The following SYNCRIP variants were observed in gnomAD, a reference collection of about 807,000 sequenced individuals.
The protein encoded by SYNCRIP is heterogeneous nuclear ribonucleoprotein Q.
In SYNCRIP, 9 loss-of-function variants were observed where a neutral mutation model predicts 68.9. That is an observed-to-expected ratio of 0.13 (90% confidence interval 0.08 to 0.23). SYNCRIP has a LOEUF of 0.23. SYNCRIP is among the 10% of genes least tolerant of loss of function. SYNCRIP has a pLI of 1.00. For missense variants in SYNCRIP, 414 were observed against 770.6 expected, an observed-to-expected ratio of 0.54 and a Z score of 5.48; for synonymous variants, 258 against 254.0, an observed-to-expected ratio of 1.02 and a Z score of -0.15.
chr6:85,642,398 T>C (rs998908663), intron 1 of SYNCRIP, among the ~76,000 whole-genome samples: 1 of 152,122 alleles, frequency 6.6e-6, no homozygotes, highest in Admixed American at 6.5e-5. Flanking sequence ...GTGAGGGCGT[T>C]CAGCGGACGG....
chr6:85,637,744 A>G (rs1808622040), intron 4 of SYNCRIP, among the ~76,000 whole-genome samples: 1 of 152,196 alleles, frequency 6.6e-6, no homozygotes, highest in South Asian at 2.1e-4. Flanking sequence ...TCACCCAATA[A>G]ATTCCCTATA....
At chr6:85,622,291 C>T (rs1157361342) in intron 8 of SYNCRIP, among the ~76,000 whole-genome samples, 191 bp downstream of exon 8, 1 of 152,088 alleles carries the variant, frequency 6.6e-6, no homozygotes, top group Non-Finnish European at 1.5e-5. Context: ...ATCACTTGAA[C>T]CCGGGAGGCG....
intron 1 of SYNCRIP, among the ~76,000 whole-genome samples, 180 bp from the exon 2 acceptor site, chr6:85,641,631 G>A (rs1374463956): frequency 1.3e-5 from 2 of 152,120 alleles, no homozygotes; most frequent in Admixed American, 6.6e-5. Flanking sequence ...GGGCACAGAA[G>A]GACCGATTCA....
intron 7 of SYNCRIP, among the ~76,000 whole-genome samples, chr6:85,623,416 T>C (rs1273318265): frequency 2.6e-5 from 4 of 151,486 alleles, no homozygotes; most frequent in Admixed American, 2.6e-4. Context: ...ACGCAAAAAT[T>C]AGCCAGGTGT....
chr6:85,609,809 T>TA (rs1805106063), downstream of SYNCRIP: 1 of 151,936 alleles, frequency 6.6e-6, no homozygotes. Flanking sequence ...ATACATTTTT[T>TA]ACCCCAAGGA....
downstream of SYNCRIP, among the ~76,000 whole-genome samples, chr6:85,613,367 T>G (rs181784367): frequency 3.3e-5 from 5 of 152,304 alleles, no homozygotes; most frequent in Non-Finnish European, 7.4e-5. Context: ...TTAAGAAAGT[T>G]TGTCTTTCAA....
chr6:85,623,581 A>C (rs1431433132), intron 7 of SYNCRIP, among the ~76,000 whole-genome samples: 2 of 150,912 alleles, frequency 1.3e-5, no homozygotes, highest in Non-Finnish European at 2.9e-5. Context: ...AAAAAAAAAA[A>C]AACACTCTGC....
chr6:85,610,711 T>C (rs1805170907), downstream of SYNCRIP: 1 of 152,036 alleles, frequency 6.6e-6, no homozygotes, highest in South Asian at 2.1e-4. Flanking sequence ...TTAGATGGGA[T>C]CATTTAACTC....
chr6:85,622,709 A>C (rs761745271), intron 7 of SYNCRIP, 22 bp from the exon 8 acceptor site: 4 of 1,591,218 alleles, frequency 2.5e-6, no homozygotes, highest in African/African-American at 2.7e-5. Flanking sequence ...CAACCATTCC[A>C]GGAAAATTAG....
intron 6 of SYNCRIP, among the ~76,000 whole-genome samples, chr6:85,625,449 A>G (rs2128288588): frequency 6.6e-6 from 1 of 150,376 alleles, no homozygotes; most frequent in East Asian, 2.0e-4. Context: ...CAGCAGTGGC[A>G]CTATCTCGGC....
chr6:85,628,506 C>G (rs1807329870), intron 6 of SYNCRIP, among the ~76,000 whole-genome samples: 1 of 152,222 alleles, frequency 6.6e-6, no homozygotes, highest in Non-Finnish European at 1.5e-5. Flanking sequence ...CTAATCATTG[C>G]TTCCCTGATA....
chr6:85,620,728 G>C (rs577256507), intron 8 of SYNCRIP, among the ~76,000 whole-genome samples: 105 of 152,300 alleles, frequency 6.9e-4, no homozygotes, highest in African/African-American at 2.4e-3. Context: ...GGAAGGCTGT[G>C]CCTGTGTAGG....
chr6:85,638,060 C>T (rs1160767283), intron 4 of SYNCRIP, among the ~76,000 whole-genome samples: 2 of 152,042 alleles, frequency 1.3e-5, no homozygotes, highest in African/African-American at 4.8e-5. Context: ...GTGTTTATTC[C>T]TTATTCTAGG....
intron 7 of SYNCRIP, among the ~76,000 whole-genome samples, chr6:85,623,755 G>C (rs1806722964): frequency 6.6e-6 from 1 of 152,042 alleles, no homozygotes; most frequent in Admixed American, 6.6e-5. Context: ...TCAAACCCTA[G>C]CTGTATTCCC....
chr6:85,619,435 C>A lies in SYNCRIP; in HGVS notation c.1009-18G>T, dbSNP rs751686987. 26 of 1,605,794 alleles carry A rather than the reference C, an allele frequency of 1.6e-5. No individual in the cohort carries two copies. Among genetic ancestry groups the A allele is most frequent in the Non-Finnish European group, 2.1e-5 (25 of 1,177,088 alleles). The stretch of plus-strand genomic sequence containing the variant: ...ACTTTTACCTAGGGGGAAGAAAATA[C>A]CCCCCTGTATTATTTCCAAAGAGTT... On this transcript the variant is annotated intron_variant, in intron 8 of 10. Transcript: ENST00000369622.
intron 10 of SYNCRIP, among the ~76,000 whole-genome samples, chr6:85,618,474 G>A (rs1050075675): frequency 1.3e-5 from 2 of 151,996 alleles, no homozygotes; most frequent in African/African-American, 4.8e-5. Context: ...CCGGGAGGTG[G>A]AGGTTCCAGT....
At chr6:85,625,241 C>G (rs550530955) in intron 6 of SYNCRIP, among the ~76,000 whole-genome samples, 1 of 152,228 alleles carries the variant, frequency 6.6e-6, no homozygotes, top group Non-Finnish European at 1.5e-5. Context: ...AAGTGTGTGG[C>G]CCTCCTGATC....
At chr6:85,609,534 G>A (rs944000697), downstream of SYNCRIP, 5 of 151,918 alleles carry the variant, frequency 3.3e-5, no homozygotes, top group Non-Finnish European at 5.9e-5. Flanking sequence ...CTGCAATCAT[G>A]AGTGTACAAC....
chr6:85,622,434 T>A (rs889669654), intron 8 of SYNCRIP, 48 bp downstream of exon 8: 209 of 1,138,486 alleles, frequency 1.8e-4, no homozygotes, highest in Middle Eastern at 3.0e-4. Flanking sequence ...ACCCCGGCCC[T>A]TCTCCCATTA....
Sources: allele counts gnomAD v4.1 joint callset (sites outside exome capture counted in the v4.1 genomes callset), GRCh38; gene constraint gnomAD v4.1.1; transcripts MANE v1.5; gene names NCBI Gene and HGNC (gene_info 2026-07-23, HGNC 2026-07-21).